Variants in SOX5 observed in about 807,000 individuals in gnomAD.
The protein encoded by SOX5 is SRY-box transcription factor 5, also known as transcription factor SOX-5.
In SOX5, 9 loss-of-function variants were observed where a neutral mutation model predicts 92.0. The ratio of observed to expected loss-of-function variants is 0.10; its 90% CI spans 0.06 to 0.17. SOX5 has a LOEUF of 0.17. Among genes scored for constraint, SOX5 ranks in the 10% least tolerant of loss-of-function variants. The pLI, the probability that SOX5 is intolerant of heterozygous loss-of-function variation, is 1.00. For missense variants in SOX5, 642 were observed against 944.5 expected (o/e 0.68, Z 4.20); for synonymous variants, 344 against 336.3 (o/e 1.02, Z -0.25).
intron 3 of SOX5, among the ~76,000 whole-genome samples, chr12:23,839,403 A>G (rs773507004): frequency 2.6e-5 from 4 of 152,126 alleles, no homozygotes; most frequent in Non-Finnish European, 5.9e-5. Flanking sequence ...TACTCTCACA[A>G]AGCTGGTTCT....
At chr12:24,427,965 T>C (rs779672296) in intron 1 of SOX5, among the ~76,000 whole-genome samples, 57 of 152,282 alleles carry the variant, frequency 3.7e-4, no homozygotes, top group Non-Finnish European at 6.5e-4. Flanking sequence ...TTGCTGACTG[T>C]AGAGATTTTG....
chr12:24,354,315 G>A (rs565090743), intron 2 of SOX5, among the ~76,000 whole-genome samples: 14 of 152,360 alleles, frequency 9.2e-5, no homozygotes, highest in Admixed American at 3.3e-4. Context: ...CCCTAAGCTG[G>A]GAAGGGAGTG....
chr12:23,818,739 A>G (rs2096050128), intron 3 of SOX5, among the ~76,000 whole-genome samples: 1 of 152,314 alleles, frequency 6.6e-6, no homozygotes, highest in South Asian at 2.1e-4. Context: ...ATACAAAAAC[A>G]TATTATTTCC....
intron 4 of SOX5, among the ~76,000 whole-genome samples, chr12:24,066,700 G>C (rs972870234): frequency 6.6e-6 from 1 of 152,170 alleles, no homozygotes; most frequent in African/African-American, 2.4e-5. Context: ...GGTATAAAAT[G>C]TAGCAGTGGT....
At chr12:23,914,729 A>G (rs951963285) in intron 1 of SOX5, among the ~76,000 whole-genome samples, 2 of 152,154 alleles carry the variant, frequency 1.3e-5, no homozygotes, top group Non-Finnish European at 2.9e-5. Flanking sequence ...ACATTTATTC[A>G]TTTTTATCTT....
At chr12:23,694,085 AC>A (rs1284269468) in intron 6 of SOX5, among the ~76,000 whole-genome samples, 1 of 152,128 alleles carries the variant, frequency 6.6e-6, no homozygotes, top group African/African-American at 2.4e-5. Flanking sequence ...TATTTTACAG[AC>A]TTTTGCTCCC....
intron 1 of SOX5, among the ~76,000 whole-genome samples, chr12:24,561,560 G>A (rs972234720): frequency 1.3e-5 from 2 of 152,182 alleles, no homozygotes; most frequent in Admixed American, 1.3e-4. Flanking sequence ...GTGCAAGCGA[G>A]ATTTCCCAAA....
chr12:24,382,824 G>A (rs56279423), intron 1 of SOX5, among the ~76,000 whole-genome samples: 16,820 of 151,958 alleles, frequency 0.11, 1,171 homozygotes, highest in Non-Finnish European at 0.16. Context: ...TGATAATGAG[G>A]TTTTGGTTCT....
intron 6 of SOX5, among the ~76,000 whole-genome samples, chr12:23,734,318 C>T (rs2093505545): frequency 6.6e-6 from 1 of 152,172 alleles, no homozygotes; most frequent in African/African-American, 2.4e-5. Flanking sequence ...TCTGGTACTA[C>T]TTCTCTAACT....
At chr12:24,195,659 A>G (rs1386142262) in intron 4 of SOX5, among the ~76,000 whole-genome samples, 2 of 152,292 alleles carry the variant, frequency 1.3e-5, no homozygotes, top group African/African-American at 2.4e-5. Flanking sequence ...CCTCCTGTCT[A>G]CATATGCTGA....
chr12:23,592,783 A>G (rs1951750226), intron 9 of SOX5, among the ~76,000 whole-genome samples: 1 of 152,216 alleles, frequency 6.6e-6, no homozygotes, highest in South Asian at 2.1e-4. Flanking sequence ...AATAAGAGAT[A>G]TAAAATTACT....
chr12:23,675,288 AC>A (rs1252448196), intron 6 of SOX5, among the ~76,000 whole-genome samples: 8 of 152,168 alleles, frequency 5.3e-5, no homozygotes, highest in African/African-American at 1.9e-4. Context: ...CAAAAGACTT[AC>A]AATTTTTTTC....
In SOX5 at chr12:24,464,624, A is replaced by G. The variant is rs189972911; in HGVS notation, c.-250-95985T>C. 2.6e-4 allele frequency among the ~76,000 whole-genome samples: 40 copies of G among 152,300 alleles called. 2 individuals are homozygous for G. In the East Asian group the frequency reaches 7.3e-3, roughly 28 times the overall value. On this transcript the variant is annotated intron_variant, in intron 1 of 4. Transcript: ENST00000446891. ...CCAAAGTGCTGGGATTACAGGCGTG[A>G]GCCACCGCACCCGGTCTTGAGAGTT...
At chr12:23,643,368 G>A (rs899125223) in intron 7 of SOX5, among the ~76,000 whole-genome samples, 6 of 152,152 alleles carry the variant, frequency 3.9e-5, no homozygotes, top group Non-Finnish European at 7.3e-5. Context: ...GGAACAAAGA[G>A]TTCTGTTTTA....
intron 4 of SOX5, among the ~76,000 whole-genome samples, chr12:24,171,592 G>A (rs553812092): frequency 4.6e-5 from 7 of 152,128 alleles, no homozygotes; most frequent in Non-Finnish European, 7.3e-5. Context: ...GGAGAAAAAC[G>A]AGACAGAAAC....
chr12:24,481,673 A>C (rs1246217963), intron 1 of SOX5, among the ~76,000 whole-genome samples: 1 of 152,244 alleles, frequency 6.6e-6, no homozygotes, highest in Admixed American at 6.5e-5. Context: ...AGAGGATAAC[A>C]GACATACAAA....
chr12:23,677,700 A>G (rs182720313), intron 6 of SOX5, among the ~76,000 whole-genome samples: 35 of 152,270 alleles, frequency 2.3e-4, no homozygotes, highest in African/African-American at 8.4e-4. Flanking sequence ...TTTTGTTCAA[A>G]TTTCCCAGTG....
At chr12:23,637,057 T>C (rs2079352434) in intron 8 of SOX5, among the ~76,000 whole-genome samples, 1 of 152,242 alleles carries the variant, frequency 6.6e-6, no homozygotes, top group South Asian at 2.1e-4. Context: ...CATCAGTTGT[T>C]ACGGCACTTT....
At chr12:24,377,551 G>A (rs1957412839) in intron 1 of SOX5, among the ~76,000 whole-genome samples, 1 of 152,202 alleles carries the variant, frequency 6.6e-6, no homozygotes, top group African/African-American at 2.4e-5. Flanking sequence ...ACATAATCAT[G>A]TGTTCATTTT....
Sources: gnomAD v4.1 joint callset for allele counts (sites outside exome capture counted in the v4.1 genomes callset) on GRCh38, gnomAD v4.1.1 for gene constraint, MANE v1.5 for transcripts, NCBI Gene and HGNC (gene_info 2026-07-23, HGNC 2026-07-21) for gene names.